EXOC6: variants seen among roughly 807,000 people sequenced by gnomAD.
EXOC6 encodes exocyst complex component 6.
A neutral mutation model predicts 112.5 loss-of-function variants in EXOC6; 60 were observed. The ratio of observed to expected loss-of-function variants is 0.53; its 90% CI spans 0.43 to 0.66. The LOEUF (loss-of-function observed/expected upper bound fraction) is 0.66. EXOC6 is among the 30% of genes least tolerant of loss of function. The pLI, the probability that EXOC6 is intolerant of heterozygous loss-of-function variation, is 0.00. For missense variants in EXOC6, 855 were observed against 957.1 expected (o/e 0.89, Z 1.41); for synonymous variants, 295 against 308.0 (o/e 0.96, Z 0.44).
chr10:92,872,384 A>G (rs1479019041), intron 1 of EXOC6, among the ~76,000 whole-genome samples: 1 of 152,028 alleles, frequency 6.6e-6, no homozygotes, highest in Non-Finnish European at 1.5e-5. Context: ...ATTCTTTCAA[A>G]TTAATTGAGG....
At chr10:93,000,321 A>G (rs1318408149) in intron 19 of EXOC6, among the ~76,000 whole-genome samples, 3 of 152,136 alleles carry the variant, frequency 2.0e-5, no homozygotes, top group Non-Finnish European at 4.4e-5. Context: ...TCTCTAGCCT[A>G]TTGACATTTG....
At chr10:93,037,847 C>T (rs930028717) in intron 20 of EXOC6, among the ~76,000 whole-genome samples, 1 of 150,236 alleles carries the variant, frequency 6.7e-6, no homozygotes, top group Non-Finnish European at 1.5e-5. Flanking sequence ...GTCCGGAGAT[C>T]GAGACCACGG....
intron 20 of EXOC6, among the ~76,000 whole-genome samples, chr10:93,029,763 C>T (rs1251961605): frequency 1.3e-5 from 2 of 152,130 alleles, no homozygotes; most frequent in African/African-American, 4.8e-5. Flanking sequence ...TTTTACCACT[C>T]ATATTTAAGT....
At position 92,911,206 on chromosome 10, in the gene EXOC6, C is replaced by T. The variant is rs150103909; in HGVS notation, c.663+1575C>T. On this transcript the variant is annotated intron_variant, in intron 6 of 21. Transcript: ENST00000260762. ...GCACACTCTTACATGATTTCTAATG[C>T]GTGATTTTTTTTTCCCCCAAGTATT... Among the ~76,000 whole-genome samples the T allele has an allele frequency of 3.3e-3, 496 of 152,200 alleles. 7 individuals are homozygous for T. The highest frequency in any genetic ancestry group is 0.011 in the African/African-American group (467 of 41,532).
chr10:93,050,759 C>CTAAAAAAAAAAAAA (rs1846243405), intron 20 of EXOC6, among the ~76,000 whole-genome samples: 1 of 37,306 alleles, frequency 2.7e-5, no homozygotes, highest in Non-Finnish European at 4.4e-5. Flanking sequence ...GACTCCGTCT[C>CTAAAAAAAAAAAAA]AAAAAAAAAA....
At chr10:92,990,384 G>T (rs1843180019) in intron 18 of EXOC6, among the ~76,000 whole-genome samples, 1 of 152,084 alleles carries the variant, frequency 6.6e-6, no homozygotes, top group Non-Finnish European at 1.5e-5. Flanking sequence ...GTCAAACATT[G>T]CAGAAAACAA....
chr10:93,019,739 T>TA (rs1365035844), intron 20 of EXOC6, among the ~76,000 whole-genome samples: 5 of 152,166 alleles, frequency 3.3e-5, no homozygotes, highest in African/African-American at 4.8e-5. Flanking sequence ...TTGGGATAAG[T>TA]AAAAAATGTC....
chr10:92,963,870 T>TAAG (rs1854155151), intron 17 of EXOC6, among the ~76,000 whole-genome samples: 1 of 152,170 alleles, frequency 6.6e-6, no homozygotes, highest in African/African-American at 2.4e-5. Flanking sequence ...TCATGGCTTT[T>TAAG]AACTTTTGAT....
chr10:93,037,821 G>A (rs1474465925), intron 20 of EXOC6, among the ~76,000 whole-genome samples: 4 of 150,444 alleles, frequency 2.7e-5, no homozygotes, highest in African/African-American at 9.7e-5. Flanking sequence ...GGAGGCCGAG[G>A]TGGGCGGATC....
At chr10:92,952,137 A>G in intron 14 of EXOC6, 136 bp from the exon 15 acceptor site, 1 of 591,218 alleles carries the variant, frequency 1.7e-6, no homozygotes, top group Non-Finnish European at 3.0e-6. Flanking sequence ...AATATCAAAA[A>G]TGTAGAAATA....
At chr10:92,966,293 T>A (rs1004682989) in intron 17 of EXOC6, among the ~76,000 whole-genome samples, 18 of 144,568 alleles carry the variant, frequency 1.2e-4, no homozygotes, top group Non-Finnish European at 2.1e-4. Flanking sequence ...TTATTATTAT[T>A]ATTATTATTA....
At chr10:92,934,988 TAGTC>T (rs1354912992) in intron 11 of EXOC6, among the ~76,000 whole-genome samples, 9 of 152,086 alleles carry the variant, frequency 5.9e-5, no homozygotes, top group South Asian at 4.1e-4. Flanking sequence ...AGACAATACT[TAGTC>T]AGTGTAGGCC....
At chr10:92,996,312 G>T (rs1843480153) in intron 18 of EXOC6, among the ~76,000 whole-genome samples, 2 of 152,160 alleles carry the variant, frequency 1.3e-5, no homozygotes, top group Non-Finnish European at 2.9e-5. Context: ...TTACCTAAAA[G>T]AGTTTTTATA....
chr10:92,882,214 G>C (rs1277657912), intron 1 of EXOC6, among the ~76,000 whole-genome samples: 1 of 152,056 alleles, frequency 6.6e-6, no homozygotes, highest in Non-Finnish European at 1.5e-5. Flanking sequence ...CCAAGATTGA[G>C]TGGCTACTTT....
In EXOC6 at chr10:92,954,731, G is replaced by C; in HGVS notation, c.1628G>C (p.Gly543Ala). The C allele has an allele frequency of 1.3e-6, 2 of 1,509,864 alleles. No homozygotes were observed. The highest frequency in any genetic ancestry group is 1.8e-6 in the Non-Finnish European group (2 of 1,090,188). 93.5% of individuals were successfully genotyped at this position (1,509,864 alleles called of 1,614,324 possible). ...AACCTTATTAGAAAACCTCATATAGGTTTGACAGAGGTAGGTTAAAAAGAC... is the reference window on the plus strand; with the variant it reads ...AACCTTATTAGAAAACCTCATATAGCTTTGACAGAGGTAGGTTAAAAAGAC... ...LLNLIRKPHI[G>A]LTELVQIIIN... The change falls in exon 16 of 22, where the codon GGT (glycine) becomes GCT (alanine). Residue 543 changes from glycine (G) to alanine (A), a missense_variant. Coordinates refer to ENST00000260762, the MANE Select transcript of EXOC6 (RefSeq NM_019053.6).
chr10:92,880,195 A>G (rs573895765), intron 1 of EXOC6, among the ~76,000 whole-genome samples: 7 of 152,308 alleles, frequency 4.6e-5, no homozygotes, highest in African/African-American at 1.7e-4. Context: ...CATATAACCT[A>G]TGCACATACT....
At chr10:92,987,765 A>G (rs1843068538) in intron 18 of EXOC6, 1 of 388,670 alleles carries the variant, frequency 2.6e-6, no homozygotes, top group Non-Finnish European at 3.5e-6. Context: ...TCCTTGATAA[A>G]TTTTTAGTTT....
chr10:92,902,290 GT>G (rs1850218875), intron 5 of EXOC6, among the ~76,000 whole-genome samples: 2 of 151,900 alleles, frequency 1.3e-5, no homozygotes, highest in Admixed American at 1.3e-4. Context: ...GCATTAGGAA[GT>G]TTTTTTGAAT....
At chr10:92,955,485 T>C in intron 16 of EXOC6, 95 bp from the exon 17 acceptor site, 1 of 983,942 alleles carries the variant, frequency 1.0e-6, no homozygotes, top group South Asian at 1.4e-5. Flanking sequence ...GTAGAAATGG[T>C]ACAGTTGCTG....
Sources: allele counts gnomAD v4.1 joint callset (sites outside exome capture counted in the v4.1 genomes callset), GRCh38; gene constraint gnomAD v4.1.1; transcripts MANE v1.5; gene names NCBI Gene and HGNC (gene_info 2026-07-23, HGNC 2026-07-21).